The following WWP1 variants were observed in gnomAD, a reference collection of about 807,000 sequenced individuals.
WWP1 encodes NEDD4-like E3 ubiquitin-protein ligase WWP1.
WWP1 carries 49 observed loss-of-function variants against 130.6 expected under a neutral mutation model. That is an observed-to-expected ratio of 0.38 (90% CI 0.30 to 0.48). The LOEUF is 0.48. WWP1 is among the 20% of genes least tolerant of loss of function. The pLI is 0.99. For synonymous variants in WWP1, 332 were observed against 367.8 expected (o/e 0.90, Z 1.11); for missense variants, 809 against 1,100.6 (o/e 0.74, Z 3.75).
chr8:86,466,548 TTTTTAAA>T (rs1307254450), intron 24 of WWP1, among the ~76,000 whole-genome samples: 1 of 152,042 alleles, frequency 6.6e-6, no homozygotes, highest in African/African-American at 2.4e-5. Context: ...TTTTTTTTTT[TTTTTAAA>T]TTTGTCTTTA....
intron 9 of WWP1, among the ~76,000 whole-genome samples, chr8:86,414,890 T>A (rs11780190): frequency 2.2e-4 from 21 of 94,840 alleles, no homozygotes; most frequent in Middle Eastern, 4.8e-3. Flanking sequence ...CCCCCCCCCA[T>A]CCCCCCACCC....
chr8:86,344,405 C>T (rs964270894), intron 1 of WWP1, among the ~76,000 whole-genome samples: 3 of 152,062 alleles, frequency 2.0e-5, no homozygotes, highest in African/African-American at 7.2e-5. Flanking sequence ...TGCTGTTTAC[C>T]CCACGGTGGC....
intron 14 of WWP1, 113 bp downstream of exon 14, chr8:86,431,856 C>T (rs998807280): frequency 2.4e-5 from 33 of 1,402,762 alleles, no homozygotes; most frequent in Non-Finnish European, 3.2e-5. Flanking sequence ...TTCAAGAAAA[C>T]CTACACAAGT....
chr8:86,409,777 T>C (rs1345447954), intron 8 of WWP1, among the ~76,000 whole-genome samples: 1 of 152,060 alleles, frequency 6.6e-6, no homozygotes, highest in South Asian at 2.1e-4. Flanking sequence ...GGAGAACCGT[T>C]TGAACCCGGG....
At chr8:86,445,990 T>C (rs1230422297) in intron 18 of WWP1, among the ~76,000 whole-genome samples, 4 of 135,004 alleles carry the variant, frequency 3.0e-5, no homozygotes, top group African/African-American at 1.1e-4. Flanking sequence ...TTTTTTTTTT[T>C]TTTTTTTTGA....
chr8:86,362,471 T>C lies in WWP1; in HGVS notation c.-114-6468T>C, dbSNP rs139840844. ...TGGAAGGGGAACAGAAATATTTCAG[T>C]AGAGTGGTGAGGGCAGCAACCAAAT... On this transcript the variant is annotated intron_variant, in intron 1 of 24. Coordinates refer to ENST00000517970, the MANE Select transcript of WWP1 (RefSeq NM_007013.4). 9.2e-5 allele frequency among the ~76,000 whole-genome samples: 14 copies of C among 151,808 alleles called. No individual in the cohort carries two copies. In the East Asian group the frequency reaches 2.7e-3, roughly 29 times the overall value.
chr8:86,403,451 ATGCCC>A (rs1390723929), intron 8 of WWP1, among the ~76,000 whole-genome samples: 1 of 151,968 alleles, frequency 6.6e-6, no homozygotes, highest in Non-Finnish European at 1.5e-5. Flanking sequence ...GTGTGCCACC[ATGCCC>A]CCTAATGTTT....
At chr8:86,432,957 T>A (rs1413789843) in intron 14 of WWP1, among the ~76,000 whole-genome samples, 1 of 152,202 alleles carries the variant, frequency 6.6e-6, no homozygotes. Flanking sequence ...CTTGCATGGT[T>A]GTCTCTGTAT....
rs201195308 is a variant in WWP1, at chr8:86,422,317, T to TTGTATGTATGTA, written c.1062-2901_1062-2900insGTATGTATGTAT. 8.8e-3 allele frequency among the ~76,000 whole-genome samples: 846 copies of TTGTATGTATGTA among 95,874 alleles called. 10 individuals are homozygous for TTGTATGTATGTA. Among genetic ancestry groups the TTGTATGTATGTA allele is most frequent in the African/African-American group, 0.058 (714 of 12,274 alleles). 62.9% of individuals were successfully genotyped at this position (95,874 alleles called of 152,430 possible). On this transcript the variant is annotated intron_variant, in intron 9 of 24. Transcript: ENST00000517970. ...GTGTCTTAAACTCAGAAGTACCAGT[T>TTGTATGTATGTA]TGTATTTATTTATTTATTTATTTAT...
Position 86,431,648 on chromosome 8 carries a change from G to A in WWP1, c.1506G>A (p.Trp502Ter), listed in dbSNP as rs1554571693. 6.2e-7 allele frequency: 1 copy of A among 1,613,774 alleles called. No homozygotes were observed. Residue 502 changes from tryptophan (W) to a stop codon, truncating the protein, a stop_gained, in exon 14 of 25, where the codon TGG (tryptophan) becomes TGA (stop). Coordinates refer to ENST00000517970, the MANE Select transcript of WWP1 (RefSeq NM_007013.4). LOFTEE classifies it high-confidence loss of function. ...ATGAAGAACCCCTGCCAGAAGGCTGGGAAATTAGATATACTCGTGAAGGTG... is the reference window on the plus strand; with the variant it reads ...ATGAAGAACCCCTGCCAGAAGGCTGAGAAATTAGATATACTCGTGAAGGTG... ...LQNEEPLPEG[W>*]EIRYTREGVR...
intron 20 of WWP1, among the ~76,000 whole-genome samples, chr8:86,449,508 T>C (rs1375141210): frequency 2.6e-5 from 4 of 152,254 alleles, no homozygotes; most frequent in East Asian, 3.8e-4. Flanking sequence ...CAAAATACTT[T>C]TAATATTTTT....
chr8:86,451,779 C>T (rs1811190058), intron 20 of WWP1, among the ~76,000 whole-genome samples: 1 of 152,170 alleles, frequency 6.6e-6, no homozygotes, highest in African/African-American at 2.4e-5. Flanking sequence ...TATGCTGCTT[C>T]TTTAGGTAGT....
chr8:86,357,060 G>T (rs1316692325), intron 1 of WWP1, among the ~76,000 whole-genome samples: 1 of 151,326 alleles, frequency 6.6e-6, no homozygotes, highest in African/African-American at 2.4e-5. Context: ...GAAAATAATT[G>T]TATAAATCAT....
intron 9 of WWP1, among the ~76,000 whole-genome samples, chr8:86,415,060 T>TACATAAC (rs1563510961): frequency 6.6e-6 from 1 of 152,124 alleles, no homozygotes; most frequent in Non-Finnish European, 1.5e-5. Flanking sequence ...AAGGAGGCAG[T>TACATAAC]TATATGTACA....
At chr8:86,424,165 C>T (rs998278659) in intron 9 of WWP1, among the ~76,000 whole-genome samples, 5 of 150,672 alleles carry the variant, frequency 3.3e-5, no homozygotes, top group Admixed American at 6.6e-5. Flanking sequence ...ACCTCCCAGA[C>T]TGGGTCACGG....
rs1283763082 is a variant in WWP1, at chr8:86,342,718, T to TG, written c.-321dup. On this transcript the variant is annotated 5_prime_UTR_variant, in exon 1 of 25. Coordinates refer to ENST00000517970, the MANE Select transcript of WWP1 (RefSeq NM_007013.4). ...GGGTGGCGCGTGGACGGGGTGGGGG[T>TG]GGGGGGAGGGTCGGGTGTCGGCGAG... is the stretch of plus-strand genomic sequence containing the variant. The TG allele has an allele frequency of 1.5e-4, 18 of 122,046 alleles. No homozygotes were observed. The African/African-American group carries it at 2.7e-3, about 18-fold the overall frequency. The allele number at this position is 122,046 out of a possible 1,614,324, so 7.6% of individuals were successfully genotyped here.
At chr8:86,389,588 C>T (rs1825498579) in intron 5 of WWP1, among the ~76,000 whole-genome samples, 1 of 152,258 alleles carries the variant, frequency 6.6e-6, no homozygotes, top group African/African-American at 2.4e-5. Context: ...TCTGATCTCT[C>T]TTTCTTTTCC....
At chr8:86,385,023 CAA>C (rs11284469) in intron 5 of WWP1, among the ~76,000 whole-genome samples, 163 of 139,316 alleles carry the variant, frequency 1.2e-3, no homozygotes, top group Non-Finnish European at 1.1e-3. Flanking sequence ...GACACTGTCT[CAA>C]AAAAAAAAAA....
At chr8:86,359,974 G>A (rs549071836) in intron 1 of WWP1, among the ~76,000 whole-genome samples, 371 of 151,936 alleles carry the variant, frequency 2.4e-3, no homozygotes, top group Admixed American at 2.6e-3. Context: ...GCGTGAACCC[G>A]GGAGGTGGAG....
Sources: allele counts gnomAD v4.1 joint callset (sites outside exome capture counted in the v4.1 genomes callset), GRCh38; gene constraint gnomAD v4.1.1; transcripts MANE v1.5; gene names NCBI Gene and HGNC (gene_info 2026-07-23, HGNC 2026-07-21).